Variants in CCDC91 observed in about 807,000 individuals in gnomAD.
The protein encoded by CCDC91 is coiled-coil domain containing 91.
Under a neutral mutation model 63.2 loss-of-function variants are expected in CCDC91, and 48 were observed. That is an observed-to-expected ratio of 0.76 (90% CI 0.60 to 0.97). CCDC91 has a LOEUF of 0.97. Ranked by LOEUF, CCDC91 falls within the 50% of genes least tolerant of loss-of-function variation. The pLI is 0.00. For missense variants in CCDC91, 500 were observed against 494.6 expected (o/e 1.01, Z -0.10); for synonymous variants, 167 against 165.8 (o/e 1.01, Z -0.06).
intron 11 of CCDC91, among the ~76,000 whole-genome samples, chr12:28,458,455 CTTTTTT>C (rs60083355): frequency 4.4e-5 from 2 of 45,806 alleles, no homozygotes; most frequent in African/African-American, 1.1e-4. Context: ...ATTTGCACAC[CTTTTTT>C]TTTTTTTTTT....
intron 12 of CCDC91, among the ~76,000 whole-genome samples, chr12:28,513,931 A>G (rs1292392117): frequency 6.6e-6 from 1 of 151,852 alleles, no homozygotes; most frequent in Admixed American, 6.6e-5. Context: ...ATATGCATGC[A>G]TGTGTCTTTA....
chr12:28,546,847 C>T (rs1034880580), intron 12 of CCDC91, among the ~76,000 whole-genome samples: 8 of 151,920 alleles, frequency 5.3e-5, no homozygotes, highest in Non-Finnish European at 7.4e-5. Flanking sequence ...TCACAATTTA[C>T]AATATGCAGA....
chr12:28,355,383 G>C (rs1565846902), intron 6 of CCDC91, among the ~76,000 whole-genome samples: 2 of 152,132 alleles, frequency 1.3e-5, no homozygotes, highest in African/African-American at 4.8e-5. Flanking sequence ...AGGCTGTGTA[G>C]GATTTGGCCT....
At chr12:28,468,893 C>G (rs1950671131) in intron 11 of CCDC91, among the ~76,000 whole-genome samples, 1 of 151,998 alleles carries the variant, frequency 6.6e-6, no homozygotes, top group Non-Finnish European at 1.5e-5. Flanking sequence ...ACCATTTCTT[C>G]ATGATAAAAA....
intron 8 of CCDC91, among the ~76,000 whole-genome samples, chr12:28,414,476 A>G (rs1271945699): frequency 6.6e-6 from 1 of 152,150 alleles, no homozygotes; most frequent in African/African-American, 2.4e-5. Context: ...AAAGTACCCC[A>G]ACATTTAAGG....
At chr12:28,278,775 G>T (rs1948410089) in intron 3 of CCDC91, among the ~76,000 whole-genome samples, 1 of 152,060 alleles carries the variant, frequency 6.6e-6, no homozygotes, top group Non-Finnish European at 1.5e-5. Flanking sequence ...GAATTATACA[G>T]ACTTGGATAT....
intron 8 of CCDC91, among the ~76,000 whole-genome samples, chr12:28,446,826 T>G (rs1185496661): frequency 6.6e-6 from 1 of 152,168 alleles, no homozygotes; most frequent in African/African-American, 2.4e-5. Context: ...GCAACAAAAA[T>G]GTCCACTTCA....
intron 3 of CCDC91, among the ~76,000 whole-genome samples, chr12:28,267,300 T>C (rs192672212): frequency 1.4e-4 from 22 of 151,966 alleles, no homozygotes; most frequent in Admixed American, 6.6e-4. Flanking sequence ...TGCTTTTTTT[T>C]CCACAATAAT....
intron 8 of CCDC91, among the ~76,000 whole-genome samples, chr12:28,427,038 C>G (rs1294206746): frequency 6.6e-6 from 1 of 152,106 alleles, no homozygotes; most frequent in East Asian, 1.9e-4. Flanking sequence ...TTTGGCTTCC[C>G]TAAGAACTCC....
intron 7 of CCDC91, among the ~76,000 whole-genome samples, chr12:28,388,188 T>G (rs1945720127): frequency 6.6e-6 from 1 of 152,194 alleles, no homozygotes; most frequent in Non-Finnish European, 1.5e-5. Flanking sequence ...TTTTGAGAAT[T>G]GTCTATTCAT....
chr12:28,424,239 A>G (rs532893268), intron 8 of CCDC91, among the ~76,000 whole-genome samples: 9 of 152,238 alleles, frequency 5.9e-5, no homozygotes, highest in Admixed American at 4.6e-4. Context: ...CCTAAATCCC[A>G]TATTTTAAAT....
At chr12:28,489,154 T>A (rs898842981) in intron 12 of CCDC91, among the ~76,000 whole-genome samples, 4 of 151,960 alleles carry the variant, frequency 2.6e-5, no homozygotes, top group African/African-American at 9.7e-5. Context: ...GAAAGTTTCT[T>A]CTTTTCAGCC....
At chr12:28,419,633 A>C (rs1450919237) in intron 8 of CCDC91, among the ~76,000 whole-genome samples, 1 of 152,136 alleles carries the variant, frequency 6.6e-6, no homozygotes, top group Non-Finnish European at 1.5e-5. Context: ...TCAGTAATAG[A>C]GGATAACCAC....
At chr12:28,318,258 A>G (rs1197687635) in intron 6 of CCDC91, among the ~76,000 whole-genome samples, 1 of 151,810 alleles carries the variant, frequency 6.6e-6, no homozygotes, top group Non-Finnish European at 1.5e-5. Flanking sequence ...ACGGTGGTTC[A>G]TATCTGTAAT....
intron 1 of CCDC91, among the ~76,000 whole-genome samples, chr12:28,195,231 C>A (rs1000375959): frequency 6.8e-6 from 1 of 146,106 alleles, no homozygotes; most frequent in Non-Finnish European, 1.5e-5. Context: ...AGACACAGAG[C>A]GCTGATTGGT....
At chr12:28,232,004 T>G (rs1160788886) in intron 1 of CCDC91, among the ~76,000 whole-genome samples, 1 of 152,180 alleles carries the variant, frequency 6.6e-6, no homozygotes, top group East Asian at 1.9e-4. Flanking sequence ...CAAAGTAGGA[T>G]AATTCACTCC....
chr12:28,475,843 T>G (rs1480730952), intron 11 of CCDC91, among the ~76,000 whole-genome samples: 2 of 151,990 alleles, frequency 1.3e-5, no homozygotes, highest in Non-Finnish European at 2.9e-5. Context: ...AATTACCCAG[T>G]CTGTGATATG....
At position 28,495,604 on chromosome 12, in the gene CCDC91, A is replaced by C. The variant is rs537794387; in HGVS notation, c.1215+11439A>C. 2.6e-5 allele frequency among the ~76,000 whole-genome samples: 4 copies of C among 151,858 alleles called. No individual in the cohort carries two copies. The South Asian group carries it at 6.2e-4, about 24-fold the overall frequency. Reference sequence around the variant, plus strand: ...ACAGAAGGCAGACACTGTTGTTCACAGACACTGACTTTTACCTTTCGAGGA... The same window carrying C: ...ACAGAAGGCAGACACTGTTGTTCACCGACACTGACTTTTACCTTTCGAGGA... On this transcript the variant is annotated intron_variant, in intron 12 of 12. Transcript: ENST00000536442.
chr12:28,198,398 A>G (rs1941945923), intron 1 of CCDC91, among the ~76,000 whole-genome samples: 1 of 152,236 alleles, frequency 6.6e-6, no homozygotes, highest in African/African-American at 2.4e-5. Context: ...TCAGTAAAAG[A>G]TAGTGATTAA....
Sources: gnomAD v4.1 joint callset for allele counts (sites outside exome capture counted in the v4.1 genomes callset) on GRCh38, gnomAD v4.1.1 for gene constraint, MANE v1.5 for transcripts, NCBI Gene and HGNC (gene_info 2026-07-23, HGNC 2026-07-21) for gene names.